SHANK2: variants seen among roughly 807,000 people sequenced by gnomAD.
SHANK2 encodes the protein SH3 and multiple ankyrin repeat domains 2, also known as SH3 and multiple ankyrin repeat domains protein 2.
SHANK2 carries 43 observed loss-of-function variants against 133.7 expected under a neutral mutation model. The observed-to-expected ratio is 0.32, with a 90% CI of 0.25 to 0.41. SHANK2 has a LOEUF of 0.41. Among genes scored for constraint, SHANK2 ranks in the 10% least tolerant of loss-of-function variants. The pLI, the probability that SHANK2 is intolerant of heterozygous loss-of-function variation, is 1.00. For synonymous variants in SHANK2, 1,017 were observed against 952.8 expected (o/e 1.07, Z -1.24); for missense variants, 1,994 against 2,235.8 (o/e 0.89, Z 2.18).
chr11:70,931,692 C>T (rs530569607), intron 10 of SHANK2, among the ~76,000 whole-genome samples: 1 of 152,344 alleles, frequency 6.6e-6, no homozygotes, highest in East Asian at 1.9e-4. Context: ...AAGGACACAG[C>T]TATAATTAGA....
chr11:70,924,459 A>T (rs1489361669), intron 10 of SHANK2, among the ~76,000 whole-genome samples: 1 of 152,004 alleles, frequency 6.6e-6, no homozygotes. Flanking sequence ...ATACTTTTTT[A>T]AAAATTTTTA....
chr11:70,900,957 G>C (rs1361746914), intron 10 of SHANK2, among the ~76,000 whole-genome samples: 1 of 152,194 alleles, frequency 6.6e-6, no homozygotes, highest in Non-Finnish European at 1.5e-5. Flanking sequence ...GTCTGTCTCT[G>C]TGGCTGCAGG....
intron 3 of SHANK2, among the ~76,000 whole-genome samples, chr11:71,129,395 C>A (rs1288407190): frequency 6.6e-6 from 1 of 152,178 alleles, no homozygotes; most frequent in Admixed American, 6.5e-5. Context: ...TACATCTACA[C>A]CCCTCTTAGT....
intron 17 of SHANK2, among the ~76,000 whole-genome samples, chr11:70,525,077 G>A (rs782406053): frequency 1.1e-4 from 17 of 152,220 alleles, no homozygotes; most frequent in African/African-American, 3.1e-4. Context: ...GCTGCCAATC[G>A]GCTTGACAGC....
chr11:71,125,361 A>T (rs1952162363), intron 3 of SHANK2, among the ~76,000 whole-genome samples: 1 of 152,244 alleles, frequency 6.6e-6, no homozygotes, highest in Non-Finnish European at 1.5e-5. Flanking sequence ...TCCTGAAGGA[A>T]ATTAGAAGGG....
At chr11:71,074,228 A>C (rs1462800711) in intron 9 of SHANK2, among the ~76,000 whole-genome samples, 1 of 152,206 alleles carries the variant, frequency 6.6e-6, no homozygotes, top group Non-Finnish European at 1.5e-5. Flanking sequence ...GGTGCGTGCC[A>C]CTGCAGCGTG....
At chr11:70,814,107 T>C (rs1948336221) in intron 12 of SHANK2, among the ~76,000 whole-genome samples, 1 of 152,182 alleles carries the variant, frequency 6.6e-6, no homozygotes, top group Non-Finnish European at 1.5e-5. Context: ...CTGGATCACC[T>C]GACATCAGGA....
chr11:70,484,061 A>G (rs1377568772), intron 25 of SHANK2, among the ~76,000 whole-genome samples: 1 of 152,240 alleles, frequency 6.6e-6, no homozygotes, highest in East Asian at 1.9e-4. Context: ...ATGAAACCCA[A>G]GATCAAATAT....
intron 11 of SHANK2, among the ~76,000 whole-genome samples, chr11:70,835,382 G>A (rs1186905684): frequency 1.3e-5 from 2 of 152,230 alleles, no homozygotes; most frequent in African/African-American, 4.8e-5. Context: ...TCAGTCAAGA[G>A]GCTCATGTGC....
intron 17 of SHANK2, among the ~76,000 whole-genome samples, chr11:70,540,319 G>T (rs1375618651): frequency 1.3e-5 from 2 of 152,058 alleles, no homozygotes; most frequent in African/African-American, 4.8e-5. Context: ...CCAGCAAGCG[G>T]GGCGCCCACG....
At chr11:70,503,577 C>T (rs1034146278) in intron 17 of SHANK2, among the ~76,000 whole-genome samples, 47 of 152,228 alleles carry the variant, frequency 3.1e-4, no homozygotes, top group Non-Finnish European at 2.2e-4. Flanking sequence ...GCTCCTGGGA[C>T]GGTGAGTGGC....
chr11:70,699,939 T>C (rs1945482381), intron 14 of SHANK2, among the ~76,000 whole-genome samples: 1 of 152,166 alleles, frequency 6.6e-6, no homozygotes, highest in Non-Finnish European at 1.5e-5. Context: ...GCTTAGGCTT[T>C]TTAGAAGCCA....
At chr11:70,639,867 G>A (rs964240619) in intron 17 of SHANK2, among the ~76,000 whole-genome samples, 2 of 152,196 alleles carry the variant, frequency 1.3e-5, no homozygotes, top group East Asian at 1.9e-4. Context: ...CTCAGTGGTG[G>A]AGTTCTACGT....
At chr11:70,692,968 T>G (rs1555021411) in intron 15 of SHANK2, among the ~76,000 whole-genome samples, 1 of 152,208 alleles carries the variant, frequency 6.6e-6, no homozygotes, top group Non-Finnish European at 1.5e-5. Flanking sequence ...GAGCAGACCT[T>G]GCTGCCAGTA....
At chr11:70,834,618 T>C (rs1948779211) in intron 11 of SHANK2, among the ~76,000 whole-genome samples, 1 of 152,190 alleles carries the variant, frequency 6.6e-6, no homozygotes, top group South Asian at 2.1e-4. Context: ...TAACTGCAAT[T>C]TAAATATTAG....
chr11:70,767,697 G>T (rs1295615729), intron 14 of SHANK2, among the ~76,000 whole-genome samples: 1 of 152,110 alleles, frequency 6.6e-6, no homozygotes, highest in Non-Finnish European at 1.5e-5. Context: ...CCAGGGGTGG[G>T]GGGGGCATGA....
intron 17 of SHANK2, among the ~76,000 whole-genome samples, chr11:70,595,286 G>A (rs1450746164): frequency 5.9e-5 from 9 of 152,148 alleles, no homozygotes; most frequent in South Asian, 2.1e-4. Context: ...AGGAAGCCCC[G>A]GTGCCAGTGC....
chr11:70,857,209 T>A (rs946131367), intron 11 of SHANK2, among the ~76,000 whole-genome samples: 2 of 152,130 alleles, frequency 1.3e-5, no homozygotes, highest in Non-Finnish European at 2.9e-5. Context: ...ACAGGATGAC[T>A]GACACTGGAC....
At position 71,135,924 on chromosome 11, in the gene SHANK2, A is replaced by T. The variant is rs140040133; in HGVS notation, c.207+11196T>A. Reference sequence around the variant, plus strand: ...TTGCCCAAGAGGAAGATGACAGGAAAGGTGGGGTGGTGATGAAGGCTGAGG... The same window carrying T: ...TTGCCCAAGAGGAAGATGACAGGAATGGTGGGGTGGTGATGAAGGCTGAGG... On this transcript the variant is annotated intron_variant, in intron 3 of 25. Coordinates refer to ENST00000601538, the MANE Select transcript of SHANK2 (RefSeq NM_012309.5). Among the ~76,000 whole-genome samples, 1,292 of 152,190 alleles carry T rather than the reference A, an allele frequency of 8.5e-3. 10 individuals are homozygous for T. Among genetic ancestry groups the T allele is most frequent in the Middle Eastern group, 0.02 (6 of 294 alleles).
Sources: allele counts gnomAD v4.1 joint callset (sites outside exome capture counted in the v4.1 genomes callset), GRCh38; gene constraint gnomAD v4.1.1; transcripts MANE v1.5; gene names NCBI Gene and HGNC (gene_info 2026-07-23, HGNC 2026-07-21).